Variants in PIF1 observed in about 807,000 individuals in gnomAD.
PIF1 encodes the protein ATP-dependent DNA helicase PIF1.
PIF1 carries 67 observed loss-of-function variants against 62.3 expected under a neutral mutation model. That is an observed-to-expected ratio of 1.08 (90% CI 0.88 to 1.32). PIF1 has a LOEUF of 1.32. Among genes scored for constraint, PIF1 ranks in the 40% most tolerant of loss-of-function variants. The pLI is 0.00. For synonymous variants in PIF1, 364 were observed against 379.5 expected, an observed-to-expected ratio of 0.96 and a Z score of 0.47; for missense variants, 886 against 866.1, an observed-to-expected ratio of 1.02 and a Z score of -0.29.
chr15:64,824,983 C>T (rs2084347926), intron 1 of PIF1, among the ~76,000 whole-genome samples: 1 of 148,882 alleles, frequency 6.7e-6, no homozygotes. Flanking sequence ...AATATATATA[C>T]AATTTCTATA....
chr15:64,823,544 C>A, intron 2 of PIF1: 1 of 371,520 alleles, frequency 2.7e-6, no homozygotes, highest in Non-Finnish European at 4.8e-6. Context: ...CATGCCCGGC[C>A]TCTGCTTTCT....
In PIF1 at chr15:64,819,840, T is replaced by G; in HGVS notation, c.1333+7A>C. The G allele has an allele frequency of 6.2e-7, 1 of 1,612,474 alleles. No homozygotes were observed. Among genetic ancestry groups the G allele is most frequent in the Middle Eastern group, 1.7e-4 (1 of 6,056 alleles). On this transcript the variant is annotated splice_region_variant and intron_variant, in intron 8 of 12. Coordinates refer to ENST00000559239, the MANE Select transcript of PIF1 (RefSeq NM_001286496.2). ...CTGGTCTTGCCCAGCCCAGGCTCCC[T>G]GCTCACCTGGCAGCTCCTGAAGCCG...
intron 11 of PIF1, 140 bp downstream of exon 11, chr15:64,817,806 G>A: frequency 4.0e-6 from 4 of 987,702 alleles, no homozygotes; most frequent in Non-Finnish European, 5.8e-6. Flanking sequence ...AGGTTGCAGT[G>A]AGCCAAGATC....
chr15:64,818,999 A>T, intron 9 of PIF1, 118 bp downstream of exon 9: 2 of 618,040 alleles, frequency 3.2e-6, no homozygotes, highest in East Asian at 3.4e-5. Context: ...GGAGGTTTTC[A>T]GTGTGGTCAA....
At position 64,822,102 on chromosome 15, in the gene PIF1, T is replaced by C. The variant is rs564969956; in HGVS notation, c.817+164A>G. Reference sequence around the variant, plus strand: ...GTTGGCCAGGCTGGTCTCAAACTCCTGGGCTCAAGCGATCCTCCCACCTTG... The same window carrying C: ...GTTGGCCAGGCTGGTCTCAAACTCCCGGGCTCAAGCGATCCTCCCACCTTG... On this transcript the variant is annotated intron_variant, in intron 4 of 12. Coordinates refer to ENST00000559239, the MANE Select transcript of PIF1 (RefSeq NM_001286496.2). The C allele has an allele frequency of 1.3e-5, 11 of 878,060 alleles. No homozygotes were observed. The South Asian group carries it at 1.4e-4, about 11-fold the overall frequency. 54.4% of individuals were successfully genotyped at this position (878,060 alleles called of 1,614,324 possible).
intron 8 of PIF1, 152 bp from the exon 9 acceptor site, chr15:64,819,375 A>T (rs56906672): frequency 0.058 from 35,493 of 609,358 alleles, 3,310 homozygotes; most frequent in African/African-American, 0.25. Context: ...CAAAGGCGTG[A>T]TCTCGGCTCA....
chr15:64,818,109 C>T lies in PIF1; in HGVS notation c.1529-18G>A. On this transcript the variant is annotated intron_variant, in intron 10 of 12. Transcript: ENST00000559239. ...GGGTAGCCCTAAGGAGAGCATGGAG[C>T]AGTCCAACTTTAGCTCTGCTTCAGG... The T allele has an allele frequency of 2.5e-6, 4 of 1,613,464 alleles. No individual in the cohort carries two copies. Among genetic ancestry groups the T allele is most frequent in the South Asian group, 2.2e-5 (2 of 90,998 alleles).
chr15:64,823,784 A>T lies in PIF1; in HGVS notation c.552T>A (p.Pro184=). 7.5e-7 allele frequency: 1 copy of T among 1,334,350 alleles called. No individual in the cohort carries two copies. The highest frequency in any genetic ancestry group is 9.7e-7 in the Non-Finnish European group (1 of 1,032,498). 82.7% of individuals were successfully genotyped at this position (1,334,350 alleles called of 1,614,324 possible). A position where few individuals can be genotyped will look rare whatever the true frequency, so the allele number is the denominator to read the frequency against. The change falls in exon 2 of 13, where the codon CCT becomes CCA. Residue 184 remains proline (P), a synonymous_variant. Coordinates refer to ENST00000559239, the MANE Select transcript of PIF1 (RefSeq NM_001286496.2). ...RPVEPQAGAE[P]STEAPRWPLP... is the part of the protein sequence containing the mutation. ...CCTTCTTTCCCGTCCTCACTGTGCT[A>T]GGCTCGGCCCCAGCCTGGGGCTCCA...
chr15:64,816,538 G>C (rs768487112), intron 12 of PIF1, 36 bp downstream of exon 12: 1 of 1,607,200 alleles, frequency 6.2e-7, no homozygotes, highest in Non-Finnish European at 8.5e-7. Context: ...CACCCTGCCC[G>C]TGGCCACAGC....
Position 64,819,183 on chromosome 15 carries a change from C to G in PIF1, c.1374G>C (p.Glu458Asp). 6.2e-7 allele frequency: 1 copy of G among 1,603,884 alleles called. No individual in the cohort carries two copies. The highest frequency in any genetic ancestry group is 1.1e-5 in the South Asian group (1 of 88,816). ...ACTGGGCATCCAGGGTACTGGCCAG[C>G]TCAGGGTTGCTGTCCATAGCCTCAA... The part of the protein sequence containing the change: ...HRFEAMDSNP[E>D]LASTLDAQCP... The change falls in exon 9 of 13, where the codon GAG becomes GAC. Residue 458 changes from glutamate (E) to aspartate (D), a missense_variant. Physicochemically the swap from Glu to Asp is conservative, Grantham distance 45 (BLOSUM62 2). Coordinates refer to ENST00000559239, the MANE Select transcript of PIF1 (RefSeq NM_001286496.2).
At chr15:64,826,665 T>TATATATACACACACAC (rs796684934), upstream of PIF1, among the ~76,000 whole-genome samples, 6 of 42,790 alleles carry the variant, frequency 1.4e-4, no homozygotes, top group Non-Finnish European at 1.7e-4. Context: ...TATATATATA[T>TATATATACACACACAC]ACACACACAC....
chr15:64,816,787 A>T (rs1355426748), intron 11 of PIF1, 22 bp from the exon 12 acceptor site: 6 of 1,562,226 alleles, frequency 3.8e-6, no homozygotes, highest in Non-Finnish European at 4.3e-6. Context: ...AGGGACAGAG[A>T]TGGAGTCAGC....
In PIF1 at chr15:64,816,966, G is replaced by T. The variant is rs115076855; in HGVS notation, c.1675-201C>A. 4.7e-3 allele frequency among the ~76,000 whole-genome samples: 717 copies of T among 152,304 alleles called. 6 individuals are homozygous for T. The highest frequency in any genetic ancestry group is 0.016 in the African/African-American group (686 of 41,578). ...GAGACAGATCCAGGTAAGAGTTGAG[G>T]GATGGAGTGAAAGGAAAGCACTCAG... On this transcript the variant is annotated intron_variant, in intron 11 of 12. Coordinates refer to ENST00000559239, the MANE Select transcript of PIF1 (RefSeq NM_001286496.2).
chr15:64,826,661 TATATACACAC>T (rs1279949852), upstream of PIF1, among the ~76,000 whole-genome samples: 3 of 26,592 alleles, frequency 1.1e-4, no homozygotes, highest in African/African-American at 3.2e-4. Flanking sequence ...TATATATATA[TATATACACAC>T]ACACACACAT....
In PIF1 at chr15:64,819,175, C is replaced by T; in HGVS notation, c.1382G>A (p.Ser461Asn). 6.2e-7 allele frequency: 1 copy of T among 1,602,434 alleles called. No individual in the cohort carries two copies. Among genetic ancestry groups the T allele is most frequent in the East Asian group, 2.3e-5 (1 of 44,014 alleles). Residue 461 changes from serine (S) to asparagine (N), a missense_variant, in exon 9 of 13, where the codon AGT becomes AAT. Physicochemically the swap from Ser to Asn is conservative, Grantham distance 46 (BLOSUM62 1). Transcript: ENST00000559239. Reference sequence around the variant, plus strand: ...AACAGGACACTGGGCATCCAGGGTACTGGCCAGCTCAGGGTTGCTGTCCAT... The same window carrying T: ...AACAGGACACTGGGCATCCAGGGTATTGGCCAGCTCAGGGTTGCTGTCCAT... ...EAMDSNPELA[S>N]TLDAQCPVSQ...
At chr15:64,825,861 G>C (rs1245926003), upstream of PIF1, among the ~76,000 whole-genome samples, 1 of 152,208 alleles carries the variant, frequency 6.6e-6, no homozygotes, top group Non-Finnish European at 1.5e-5. Context: ...ACGGCTGGGC[G>C]TGGTGGGAGG....
chr15:64,816,912 G>A, intron 11 of PIF1, 147 bp from the exon 12 acceptor site: 1 of 712,120 alleles, frequency 1.4e-6, no homozygotes. Flanking sequence ...CATGACAGCA[G>A]GTGGCTGTCT....
chr15:64,817,748 G>A (rs887619703), intron 11 of PIF1, among the ~76,000 whole-genome samples, 198 bp downstream of exon 11: 3 of 152,090 alleles, frequency 2.0e-5, no homozygotes, highest in African/African-American at 7.2e-5. Flanking sequence ...TGTAGTCCCA[G>A]CTACTCAGGA....
intron 9 of PIF1, chr15:64,818,608 C>T: frequency 4.2e-6 from 2 of 480,630 alleles, no homozygotes; most frequent in South Asian, 4.6e-5. Context: ...AAGGCAACCT[C>T]TATCACAGGG....
Sources: allele counts gnomAD v4.1 joint callset (sites outside exome capture counted in the v4.1 genomes callset), GRCh38; gene constraint gnomAD v4.1.1; transcripts MANE v1.5; gene names NCBI Gene and HGNC (gene_info 2026-07-23, HGNC 2026-07-21).